The following KRT85 variants were observed in gnomAD, a reference collection of about 807,000 sequenced individuals.
The protein encoded by KRT85 is keratin, type II cuticular Hb5.
A neutral mutation model predicts 53.7 loss-of-function variants in KRT85; 39 were observed. That is an observed-to-expected ratio of 0.73 (90% CI 0.56 to 0.95). The LOEUF (loss-of-function observed/expected upper bound fraction) is 0.95, where lower values mean the gene tolerates loss of function less well. KRT85 is among the 40% of genes least tolerant of loss of function. The pLI is 0.00. For synonymous variants in KRT85, 291 were observed against 277.5 expected (o/e 1.05, Z -0.48); for missense variants, 668 against 686.0 (o/e 0.97, Z 0.29).
At position 52,367,222 on chromosome 12, in the gene KRT85, A is replaced by C; in HGVS notation, c.184T>G (p.Cys62Gly). ...CCACCTACAGCTATCCGGGGCCCGC[A>C]GGAGCCCAGGTTGCAGAGGCTGCGG... Reference protein sequence around the residue: ...GSRSLCNLGSCGPRIAVGGFR... With the variant: ...GSRSLCNLGSGGPRIAVGGFR... The change falls in exon 1 of 9, where the codon TGC (cysteine) becomes GGC (glycine). Residue 62 changes from cysteine to glycine, a missense_variant. By Grantham distance (159) the Cys-to-Gly change is radical. Transcript: ENST00000257901. The C allele has an allele frequency of 1.9e-6, 3 of 1,613,420 alleles. No homozygotes were observed. Among genetic ancestry groups the C allele is most frequent in the Non-Finnish European group, 2.5e-6 (3 of 1,179,622 alleles).
intron 2 of KRT85, 63 bp downstream of exon 2, chr12:52,364,899 G>A: frequency 6.2e-7 from 1 of 1,611,200 alleles, no homozygotes; most frequent in Non-Finnish European, 8.5e-7. Context: ...AGAGGGCTAT[G>A]GGCAGAGCCT....
Position 52,367,392 on chromosome 12 carries a change from G to C in KRT85, c.14C>G (p.Ser5Cys), listed in dbSNP as rs868064762. The C allele has an allele frequency of 2.5e-6, 4 of 1,614,086 alleles. No homozygotes were observed. In the Admixed American group the frequency reaches 6.7e-5, roughly 27 times the overall value. The change falls in exon 1 of 9, where the codon TCC becomes TGC. Residue 5 changes from serine to cysteine, a missense_variant. Ser to Cys is a moderately radical substitution (Grantham distance 112). Transcript: ENST00000257901. Reference protein sequence around the residue: MSCRSYRISSGCGVT... With the variant: MSCRCYRISSGCGVT... ...CCCGCATCCTGAGCTGATCCTGTAG[G>C]AGCGGCACGACATCGTGTGAGGCTG...
chr12:52,364,842 C>T (rs1939247821), intron 2 of KRT85, 120 bp downstream of exon 2: 3 of 1,570,490 alleles, frequency 1.9e-6, no homozygotes, highest in Non-Finnish European at 2.6e-6. Context: ...GATATCTGCT[C>T]TGGGTTCCAG....
intron 7 of KRT85, 55 bp from the exon 8 acceptor site, chr12:52,361,553 C>A: frequency 3.9e-6 from 6 of 1,543,294 alleles, no homozygotes; most frequent in Non-Finnish European, 5.4e-6. Context: ...TTCCTTGAGA[C>A]TGATGGTTGC....
rs549707125 is a variant in KRT85 at position 52,363,284 on chromosome 12, G to A, written c.913C>T (p.Arg305Cys). Residue 305 changes from arginine (R) to cysteine (C), a missense_variant, in exon 5 of 9, where the codon CGC (arginine) becomes TGC (cysteine). Around this residue, in one of 3 missense-constraint regions of KRT85, gnomAD observed 488 missense variants for 498.1 expected, o/e 0.98. Transcript: ENST00000257901. ...CAGGACTCAGCCTCGGCCCGGCTGC[G>A]GCTGGCAACATCGTCATACTGAGCC... ...IKAQYDDVAS[R>C]SRAEAESWYR... The A allele has an allele frequency of 1.6e-5, 26 of 1,614,176 alleles. No homozygotes were observed. The East Asian group carries it at 2.0e-4, about 12-fold the overall frequency.
intron 8 of KRT85, 31 bp downstream of exon 8, chr12:52,361,436 T>A: frequency 2.5e-6 from 4 of 1,611,502 alleles, no homozygotes; most frequent in Non-Finnish European, 3.4e-6. Flanking sequence ...AAAAAGCCAT[T>A]TTTCCAGGAG....
In KRT85 at chr12:52,367,476, C is replaced by T; in HGVS notation, c.-71G>A. 9.3e-6 allele frequency: 14 copies of T among 1,503,186 alleles called. No homozygotes were observed. Among genetic ancestry groups the T allele is most frequent in the Non-Finnish European group, 1.0e-5 (11 of 1,089,590 alleles). 93.1% of individuals were successfully genotyped at this position (1,503,186 alleles called of 1,614,324 possible). ...GGCGGCAGAGTGCGAGGCTCAGGAT[C>T]CTTCTGCTCTCTCTGATCCTCCCTG... On this transcript the variant is annotated 5_prime_UTR_variant, in exon 1 of 9. Coordinates refer to ENST00000257901, the MANE Select transcript of KRT85 (RefSeq NM_002283.4).
chr12:52,364,963 T>C lies in KRT85; in HGVS notation c.628A>G (p.Lys210Glu). The C allele has an allele frequency of 6.2e-7, 1 of 1,612,558 alleles. No individual in the cohort carries two copies. Among genetic ancestry groups the C allele is most frequent in the Admixed American group, 1.7e-5 (1 of 60,028 alleles). Residue 210 changes from lysine (K) to glutamate (E), a missense_variant and splice_region_variant, in exon 2 of 9, where the codon AAG (lysine) becomes GAG (glutamate). By Grantham distance (56) the Lys-to-Glu change is moderately conservative. Transcript: ENST00000257901. Reference sequence around the variant, plus strand: ...GTCCCCCCAGCTTGCTGCACTCACTTCTTCTTGTAGCCCTCCAGCACCTCC... The same window carrying C: ...GTCCCCCCAGCTTGCTGCACTCACTCCTTCTTGTAGCCCTCCAGCACCTCC... ...VQEVLEGYKK[K>E]YEEEVALRAT...
At chr12:52,361,903 C>T (rs939432544) in intron 7 of KRT85, among the ~76,000 whole-genome samples, 1 of 152,120 alleles carries the variant, frequency 6.6e-6, no homozygotes, top group Non-Finnish European at 1.5e-5. Context: ...CAGTAGGAAG[C>T]TATTCAACAA....
At chr12:52,363,841 T>A (rs2121403433) in intron 4 of KRT85, among the ~76,000 whole-genome samples, 1 of 152,174 alleles carries the variant, frequency 6.6e-6, no homozygotes, top group East Asian at 1.9e-4. Context: ...TGCAGAGAGG[T>A]CACAGACACA....
Position 52,360,116 on chromosome 12 carries a change from G to T in KRT85, c.*737C>A, listed in dbSNP as rs942978946. ...AGGAAGTGGCTTAACTCTCTGTCCC[G>T]CCAGCTCTGCATTGGACAGTCCCCA... On this transcript the variant is annotated 3_prime_UTR_variant, in exon 9 of 9. Coordinates refer to ENST00000257901, the MANE Select transcript of KRT85 (RefSeq NM_002283.4). The T allele has an allele frequency of 1.6e-4, 24 of 153,308 alleles. No homozygotes were observed. Among genetic ancestry groups the T allele is most frequent in the Non-Finnish European group, 3.4e-4 (23 of 68,636 alleles). The allele number at this position is 153,308 out of a possible 1,614,324, so 9.5% of individuals were successfully genotyped here.
rs145993161 is a variant in KRT85 at position 52,361,343 on chromosome 12, C to A, written c.1330+124G>T. ...TCTCTAACACCTGTCATGGCCCCCA[C>A]TGAGGAGCCAGGGGAGGGTGAAACA... On this transcript the variant is annotated intron_variant, in intron 8 of 8. Transcript: ENST00000257901. The A allele has an allele frequency of 1.1e-5, 10 of 928,166 alleles. No homozygotes were observed. In the African/African-American group the frequency reaches 1.6e-4, roughly 15 times the overall value. The allele number at this position is 928,166 out of a possible 1,614,324, so 57.5% of individuals were successfully genotyped here.
Position 52,365,120 on chromosome 12 carries a change from G to C in KRT85, c.471C>G (p.Phe157Leu), listed in dbSNP as rs1939253049. 6.2e-7 allele frequency: 1 copy of C among 1,614,130 alleles called. No individual in the cohort carries two copies. ...QNKLLETKWQ[F>L]YQNQRCCESN... ...TCTCGCAGCAGCGCTGGTTCTGGTA[G>C]AACTGCCACTTGGTCTCCAGCAGCT... Residue 157 changes from phenylalanine (F) to leucine (L), a missense_variant, in exon 2 of 9, where the codon TTC becomes TTG. Phe to Leu is a conservative substitution (Grantham distance 22). Transcript: ENST00000257901.
intron 1 of KRT85, among the ~76,000 whole-genome samples, chr12:52,366,486 G>A (rs1939272624): frequency 6.6e-6 from 1 of 152,174 alleles, no homozygotes; most frequent in African/African-American, 2.4e-5. Flanking sequence ...CCCTTCACGG[G>A]CTGCCTGGCT....
In KRT85 at chr12:52,361,027, A is replaced by G. The variant is rs2121397794; in HGVS notation, c.1350T>C (p.Gly450=). The G allele has an allele frequency of 6.2e-7, 1 of 1,613,166 alleles. No homozygotes were observed. The highest frequency in any genetic ancestry group is 8.5e-7 in the Non-Finnish European group (1 of 1,179,588). The change falls in exon 9 of 9, where the codon GGT becomes GGC. Residue 450 remains glycine (G), a synonymous_variant. Coordinates refer to ENST00000257901, the MANE Select transcript of KRT85 (RefSeq NM_002283.4). ...SVNVCVSSSR[G]GVSCGGLSYS... ...AGGAGAGGCCCCCACAGGAGACTCC[A>G]CCACGGGAGCTGCTGACACCTGTGG...
At position 52,360,867 on chromosome 12, in the gene KRT85, C is replaced by A. The variant is rs377074561; in HGVS notation, c.1510G>T (p.Val504Phe). 1 of 1,612,288 alleles carries A rather than the reference C, an allele frequency of 6.2e-7. No individual in the cohort carries two copies. The highest frequency in any genetic ancestry group is 1.7e-5 in the Admixed American group (1 of 60,028). ...SSFSCGSSRS[V>F]RFA The stretch of plus-strand genomic sequence containing the variant: ...CCATGACTCTACTAGGCAAAGCGGA[C>A]CGACCGGCTACTCCCGCAGCTGAAG... Residue 504 changes from valine (V) to phenylalanine (F), a missense_variant, in exon 9 of 9, where the codon GTC (valine) becomes TTC (phenylalanine). Val to Phe is a conservative substitution (Grantham distance 50). Around this residue, in one of 3 missense-constraint regions of KRT85, gnomAD observed 488 missense variants for 498.1 expected, o/e 0.98. Coordinates refer to ENST00000257901, the MANE Select transcript of KRT85 (RefSeq NM_002283.4).
chr12:52,362,244 G>T lies in KRT85; in HGVS notation c.1298+7C>A, dbSNP rs773039342. 3 of 1,613,878 alleles carry T rather than the reference G, an allele frequency of 1.9e-6. No homozygotes were observed. Among genetic ancestry groups the T allele is most frequent in the Non-Finnish European group, 2.5e-6 (3 of 1,179,906 alleles). On this transcript the variant is annotated splice_region_variant and intron_variant, in intron 7 of 8. Coordinates refer to ENST00000257901, the MANE Select transcript of KRT85 (RefSeq NM_002283.4). ...TCTGAAACCCCACAAAGTCCTCTTA[G>T]CCCCACCTGTGTTCCTCGCCCTCCA... is the stretch of plus-strand genomic sequence containing the variant.
rs780309384 is a variant in KRT85 at position 52,361,031 on chromosome 12, C to T, written c.1346G>A (p.Arg449His). 20 of 1,612,646 alleles carry T rather than the reference C, an allele frequency of 1.2e-5. No homozygotes were observed. The highest frequency in any genetic ancestry group is 9.9e-5 in the South Asian group (9 of 90,918). Residue 449 changes from arginine to histidine, a missense_variant, in exon 9 of 9, where the codon CGT (arginine) becomes CAT (histidine). By Grantham distance (29) the Arg-to-His change is conservative. This residue lies in a region of KRT85 where 488 missense variants were observed against 498.1 expected (regional missense o/e 0.98). Coordinates refer to ENST00000257901, the MANE Select transcript of KRT85 (RefSeq NM_002283.4). ...GSVNVCVSSS[R>H]GGVSCGGLSY... ...GAGGCCCCCACAGGAGACTCCACCA[C>T]GGGAGCTGCTGACACCTGTGGAGAG... is the stretch of plus-strand genomic sequence containing the variant.
In KRT85 at chr12:52,360,835, C is replaced by T. The variant is rs778964659; in HGVS notation, c.*18G>A. 4 of 1,611,746 alleles carry T rather than the reference C, an allele frequency of 2.5e-6. No individual in the cohort carries two copies. Among genetic ancestry groups the T allele is most frequent in the Non-Finnish European group, 3.4e-6 (4 of 1,179,714 alleles). On this transcript the variant is annotated 3_prime_UTR_variant, in exon 9 of 9. Transcript: ENST00000257901. ...GGCAGGCAGGTGCTTGGCAGGAAGC[C>T]CTGGCTCCATGACTCTACTAGGCAA...
Sources: gnomAD v4.1 joint callset for allele counts (sites outside exome capture counted in the v4.1 genomes callset) on GRCh38, gnomAD v4.1.1 for gene constraint, gnomAD v4.1.1 regional missense constraint, MANE v1.5 for transcripts, NCBI Gene and HGNC (gene_info 2026-07-23, HGNC 2026-07-21) for gene names.